AGBL1: variants seen among roughly 807,000 people sequenced by gnomAD.
AGBL1 encodes the protein cytosolic carboxypeptidase 4.
In AGBL1, 130 loss-of-function variants were observed where a neutral mutation model predicts 118.9. The ratio of observed to expected loss-of-function variants is 1.09; its 90% CI spans 0.95 to 1.26. The LOEUF (loss-of-function observed/expected upper bound fraction) is 1.26. AGBL1 is among the 50% of genes most tolerant of loss of function. The pLI, the probability that AGBL1 is intolerant of heterozygous loss-of-function variation, is 0.00. For missense variants in AGBL1, 1,584 were observed against 1,298.1 expected (o/e 1.22, Z -3.38); for synonymous variants, 555 against 478.9 (o/e 1.16, Z -2.08).
At chr15:86,200,874 C>T (rs572981318) in intron 5 of AGBL1, among the ~76,000 whole-genome samples, 2 of 151,990 alleles carry the variant, frequency 1.3e-5, no homozygotes, top group Non-Finnish European at 2.9e-5. Flanking sequence ...TCTCGGCCTC[C>T]GAAATTGTTA....
chr15:86,158,589 C>T (rs922891244), intron 4 of AGBL1, among the ~76,000 whole-genome samples: 31 of 152,318 alleles, frequency 2.0e-4, no homozygotes, highest in Admixed American at 2.0e-3. Flanking sequence ...TTTACCTAAC[C>T]AGATACCTCT....
At chr15:86,733,781 G>T (rs996891450) in intron 22 of AGBL1, among the ~76,000 whole-genome samples, 1 of 152,070 alleles carries the variant, frequency 6.6e-6, no homozygotes, top group African/African-American at 2.4e-5. Flanking sequence ...TCATAAACAG[G>T]AATTGGCAAA....
intron 7 of AGBL1, among the ~76,000 whole-genome samples, chr15:86,251,797 G>A (rs940756048): frequency 2.7e-5 from 4 of 148,124 alleles, no homozygotes; most frequent in Non-Finnish European, 4.4e-5. Flanking sequence ...AGAGGAAGAC[G>A]GATGACAATT....
At chr15:86,099,012 G>T (rs948908631) in intron 1 of AGBL1, among the ~76,000 whole-genome samples, 2 of 152,020 alleles carry the variant, frequency 1.3e-5, no homozygotes, top group Non-Finnish European at 2.9e-5. Context: ...AGTTTTCCCT[G>T]TAGAGATGCT....
chr15:86,388,971 C>T (rs1396649614), intron 17 of AGBL1, among the ~76,000 whole-genome samples: 1 of 152,136 alleles, frequency 6.6e-6, no homozygotes, highest in African/African-American at 2.4e-5. Flanking sequence ...CATATATCTA[C>T]CAGTTGTAAT....
chr15:86,651,266 G>A (rs1372849051), intron 21 of AGBL1, among the ~76,000 whole-genome samples: 1 of 152,096 alleles, frequency 6.6e-6, no homozygotes, highest in Non-Finnish European at 1.5e-5. Context: ...CAGGGGTCAC[G>A]TTTTGAGAAA....
rs1173197141 is a variant in AGBL1, at chr15:86,546,086, G to C, written c.2770G>C (p.Ala924Pro). Residue 924 changes from alanine to proline, a missense_variant, in exon 20 of 23, where the codon GCA becomes CCA. Coordinates refer to ENST00000614907, the MANE Select transcript of AGBL1 (RefSeq NM_001386094.1). ...CATCAAGGAAACCTTGTGGCAAGCAGCATGCACTGTGGGCACATCTACTAT... is the reference window on the plus strand; with the variant it reads ...CATCAAGGAAACCTTGTGGCAAGCACCATGCACTGTGGGCACATCTACTAT... ...CSIKETLWQAACTVGTSTILE... is the reference protein window; with the variant it reads ...CSIKETLWQAPCTVGTSTILE... 1 of 1,613,342 alleles carries C rather than the reference G, an allele frequency of 6.2e-7. No homozygotes were observed. The highest frequency in any genetic ancestry group is 8.5e-7 in the Non-Finnish European group (1 of 1,179,610).
intron 18 of AGBL1, among the ~76,000 whole-genome samples, chr15:86,425,487 A>G (rs776830382): frequency 2.1e-4 from 32 of 152,170 alleles, no homozygotes; most frequent in Non-Finnish European, 3.7e-4. Flanking sequence ...GTGTATACCT[A>G]TGTAACAAAC....
intron 21 of AGBL1, among the ~76,000 whole-genome samples, chr15:86,630,860 T>G (rs927641699): frequency 3.3e-5 from 5 of 152,230 alleles, no homozygotes; most frequent in African/African-American, 1.2e-4. Context: ...AACCAGATTC[T>G]TGGATCTGTT....
At chr15:86,277,018 C>T (rs1357137594) in intron 15 of AGBL1, among the ~76,000 whole-genome samples, 1 of 152,178 alleles carries the variant, frequency 6.6e-6, no homozygotes, top group Non-Finnish European at 1.5e-5. Flanking sequence ...TACAAGGTGG[C>T]TGCCAGGAGA....
At chr15:86,945,039 A>C (rs532880965) in intron 23 of AGBL1, among the ~76,000 whole-genome samples, 9 of 152,278 alleles carry the variant, frequency 5.9e-5, no homozygotes, top group African/African-American at 2.2e-4. Flanking sequence ...AGCAATAAAT[A>C]GGAATTATAA....
intron 18 of AGBL1, among the ~76,000 whole-genome samples, chr15:86,520,518 T>C (rs555003809): frequency 3.9e-5 from 6 of 152,308 alleles, no homozygotes; most frequent in African/African-American, 1.4e-4. Flanking sequence ...ATAGTATTTC[T>C]GCAAAGTGGT....
chr15:86,227,440 A>G (rs2078384491), intron 6 of AGBL1, among the ~76,000 whole-genome samples: 1 of 152,256 alleles, frequency 6.6e-6, no homozygotes, highest in South Asian at 2.1e-4. Context: ...TTTGGACAGG[A>G]TAATTCTTTG....
chr15:86,177,631 C>T (rs1436068936), intron 5 of AGBL1, among the ~76,000 whole-genome samples: 1 of 152,112 alleles, frequency 6.6e-6, no homozygotes, highest in African/African-American at 2.4e-5. Flanking sequence ...TTATCAACAA[C>T]AGAAAGGTTT....
intron 22 of AGBL1, among the ~76,000 whole-genome samples, chr15:86,686,096 C>T (rs1384431069): frequency 6.6e-6 from 1 of 152,098 alleles, no homozygotes; most frequent in African/African-American, 2.4e-5. Flanking sequence ...TTGTGGTCAA[C>T]CTAGAAAAAG....
At chr15:86,315,169 G>A (rs575044820) in intron 17 of AGBL1, among the ~76,000 whole-genome samples, 12 of 152,102 alleles carry the variant, frequency 7.9e-5, no homozygotes, top group Non-Finnish European at 1.6e-4. Flanking sequence ...TTAATACCCA[G>A]GGTAACCCGA....
At chr15:86,151,389 A>T (rs4887332) in intron 3 of AGBL1, among the ~76,000 whole-genome samples, 16,912 of 152,048 alleles carry the variant, frequency 0.11, 1,308 homozygotes, top group East Asian at 0.25. Flanking sequence ...CAAATCAATA[A>T]ATGTAATCCA....
At chr15:86,663,239 G>C (rs1285621356) in intron 21 of AGBL1, among the ~76,000 whole-genome samples, 1 of 152,158 alleles carries the variant, frequency 6.6e-6, no homozygotes, top group Non-Finnish European at 1.5e-5. Flanking sequence ...AAGGGTTAAA[G>C]CCAAACAAAA....
At chr15:86,498,117 C>T (rs983642574) in intron 18 of AGBL1, among the ~76,000 whole-genome samples, 2 of 151,772 alleles carry the variant, frequency 1.3e-5, no homozygotes, top group African/African-American at 4.8e-5. Context: ...AAGATAGGGT[C>T]CTTCATTTCA....
Sources: gnomAD v4.1 joint callset for allele counts (sites outside exome capture counted in the v4.1 genomes callset) on GRCh38, gnomAD v4.1.1 for gene constraint, MANE v1.5 for transcripts, NCBI Gene and HGNC (gene_info 2026-07-23, HGNC 2026-07-21) for gene names.